The following DOCK5 variants were observed in gnomAD, a reference collection of about 807,000 sequenced individuals.
DOCK5 encodes the protein dedicator of cytokinesis 5.
DOCK5 carries 142 observed loss-of-function variants against 251.8 expected under a neutral mutation model. The ratio of observed to expected loss-of-function variants is 0.56; its 90% CI spans 0.49 to 0.65. DOCK5 has a LOEUF of 0.65. Ranked by LOEUF, DOCK5 falls within the 30% of genes least tolerant of loss-of-function variation. DOCK5 has a pLI of 0.00. For missense variants in DOCK5, 2,111 were observed against 2,312.3 expected (o/e 0.91, Z 1.79); for synonymous variants, 842 against 835.5 (o/e 1.01, Z -0.13).
chr8:25,242,093 G>T (rs1802968432), intron 1 of DOCK5, among the ~76,000 whole-genome samples: 1 of 151,990 alleles, frequency 6.6e-6, no homozygotes. Flanking sequence ...CATGGCACGT[G>T]TATACCTATG....
At chr8:25,318,023 G>A (rs377695959) in intron 14 of DOCK5, among the ~76,000 whole-genome samples, 4 of 152,146 alleles carry the variant, frequency 2.6e-5, no homozygotes, top group African/African-American at 7.2e-5. Flanking sequence ...TAAGTATCCT[G>A]AATTCCAGTC....
rs953916932 is a variant in DOCK5, at chr8:25,413,579, TAGAA to T, written c.*2285_*2288del. ...TCTACTTGCCGGGCTGCCATTAAAATAGAAAGATATAAAACTGGGTCACCAAAAA... is the reference window on the plus strand; with the variant it reads ...TCTACTTGCCGGGCTGCCATTAAAATAGATATAAAACTGGGTCACCAAAAA... On this transcript the variant is annotated 3_prime_UTR_variant, in exon 52 of 52. Transcript: ENST00000276440. 3 of 152,226 alleles carry T rather than the reference TAGAA, an allele frequency of 2.0e-5. No individual in the cohort carries two copies. The highest frequency in any genetic ancestry group is 4.4e-5 in the Non-Finnish European group (3 of 68,028). 9.4% of individuals were successfully genotyped at this position (152,226 alleles called of 1,614,324 possible). A position where few individuals can be genotyped will look rare whatever the true frequency, so the allele number is the denominator to read the frequency against.
chr8:25,395,512 T>A, intron 44 of DOCK5, 31 bp from the exon 45 acceptor site: 2 of 1,587,694 alleles, frequency 1.3e-6, no homozygotes, highest in Non-Finnish European at 1.7e-6. Flanking sequence ...CTGACAAGTG[T>A]CCTCTTTCTC....
chr8:25,363,639 G>A (rs1046628887), intron 29 of DOCK5, among the ~76,000 whole-genome samples: 3 of 152,156 alleles, frequency 2.0e-5, no homozygotes, highest in Non-Finnish European at 2.9e-5. Context: ...AAATAATTTA[G>A]TAGTTCAAAA....
chr8:25,379,110 G>C (rs1479662484), intron 38 of DOCK5, among the ~76,000 whole-genome samples: 1 of 152,070 alleles, frequency 6.6e-6, no homozygotes. Context: ...TCCTGAAGAG[G>C]GTCTATGTTC....
intron 1 of DOCK5, among the ~76,000 whole-genome samples, chr8:25,221,951 CA>C (rs1454443486): frequency 1.3e-5 from 2 of 152,164 alleles, no homozygotes; most frequent in African/African-American, 4.8e-5. Context: ...TGACCCATGC[CA>C]ACCAAGACTC....
chr8:25,325,233 G>T, intron 17 of DOCK5, 131 bp from the exon 18 acceptor site: 1 of 878,658 alleles, frequency 1.1e-6, no homozygotes, highest in Admixed American at 2.7e-5. Flanking sequence ...TATCTCAGAG[G>T]TGGAAGGGAT....
intron 1 of DOCK5, among the ~76,000 whole-genome samples, chr8:25,189,042 C>CTTTTTTTT (rs1432735816): frequency 3.7e-4 from 36 of 97,642 alleles, no homozygotes; most frequent in African/African-American, 5.8e-4. Context: ...TTCTTTCTTT[C>CTTTTTTTT]TTTCTTTTTT....
At chr8:25,336,192 G>A in intron 21 of DOCK5, 47 bp from the exon 22 acceptor site, 1 of 1,586,224 alleles carries the variant, frequency 6.3e-7, no homozygotes, top group Non-Finnish European at 8.6e-7. Context: ...AAGCCTCAGA[G>A]TATCCTGTTG....
At chr8:25,312,581 G>A (rs913635484) in intron 13 of DOCK5, among the ~76,000 whole-genome samples, 1 of 151,944 alleles carries the variant, frequency 6.6e-6, no homozygotes, top group African/African-American at 2.4e-5. Context: ...TGGCCAACAT[G>A]GTGAAACCCC....
chr8:25,384,459 A>ATTTTTTTTTTTTTTTTTTTTTTTTTT (rs1208387306), intron 40 of DOCK5, among the ~76,000 whole-genome samples: 1 of 65,704 alleles, frequency 1.5e-5, no homozygotes. Context: ...TTATTTATTT[A>ATTTTTTTTTTTTTTTTTTTTTTTTTT]TTTATTTTTT....
In DOCK5 at chr8:25,336,376, A is replaced by G. The variant is rs776560850; in HGVS notation, c.2327+3A>G. ...CAATCCCGAGTGCTCTACTTGAGGT[A>G]ATGTTAACTGCAGTGAAGATGTTTA... On this transcript the variant is annotated splice_donor_region_variant and intron_variant, in intron 22 of 51. Coordinates refer to ENST00000276440, the MANE Select transcript of DOCK5 (RefSeq NM_024940.8). 51 of 1,613,084 alleles carry G rather than the reference A, an allele frequency of 3.2e-5. No individual in the cohort carries two copies. The East Asian group carries it at 1.1e-3, about 36-fold the overall frequency.
intron 38 of DOCK5, among the ~76,000 whole-genome samples, chr8:25,379,813 G>A (rs11990690): frequency 0.19 from 28,814 of 151,456 alleles, 3,188 homozygotes; most frequent in African/African-American, 0.3. Context: ...AGTACTGTTA[G>A]CCTTTTTCCA....
intron 3 of DOCK5, among the ~76,000 whole-genome samples, chr8:25,273,516 C>A (rs1165500983): frequency 6.6e-6 from 1 of 152,194 alleles, no homozygotes; most frequent in Non-Finnish European, 1.5e-5. Context: ...GGCAGGAGAA[C>A]TGCTTGAGCC....
At chr8:25,367,499 C>A (rs955405155) in intron 31 of DOCK5, among the ~76,000 whole-genome samples, 2 of 152,138 alleles carry the variant, frequency 1.3e-5, no homozygotes, top group African/African-American at 4.8e-5. Flanking sequence ...AATCCAAAGA[C>A]CATGTCGTTA....
intron 1 of DOCK5, among the ~76,000 whole-genome samples, chr8:25,214,062 T>C (rs1285169658): frequency 6.6e-6 from 1 of 152,226 alleles, no homozygotes; most frequent in Non-Finnish European, 1.5e-5. Flanking sequence ...TTTGTACAAT[T>C]ATTTTCAATA....
chr8:25,204,398 G>C (rs1036590778), intron 1 of DOCK5, among the ~76,000 whole-genome samples: 1 of 152,112 alleles, frequency 6.6e-6, no homozygotes, highest in Non-Finnish European at 1.5e-5. Context: ...CAAGTGGCTT[G>C]ACTCTCTTTA....
At chr8:25,226,258 CTTTTTTTTT>C (rs1179597860) in intron 1 of DOCK5, among the ~76,000 whole-genome samples, 3 of 116,944 alleles carry the variant, frequency 2.6e-5, no homozygotes, top group East Asian at 2.4e-4. Context: ...GTATAGGCTG[CTTTTTTTTT>C]TTTTTTTTTT....
At chr8:25,280,730 A>G (rs1804167787) in intron 5 of DOCK5, among the ~76,000 whole-genome samples, 2 of 152,250 alleles carry the variant, frequency 1.3e-5, no homozygotes, top group African/African-American at 4.8e-5. Flanking sequence ...GAGAGAATGC[A>G]CATTAAGTTG....
Sources: allele counts gnomAD v4.1 joint callset (sites outside exome capture counted in the v4.1 genomes callset), GRCh38; gene constraint gnomAD v4.1.1; transcripts MANE v1.5; gene names NCBI Gene and HGNC (gene_info 2026-07-23, HGNC 2026-07-21).